The following RPS6KB2 variants were observed in gnomAD, a reference collection of about 807,000 sequenced individuals.
The protein encoded by RPS6KB2 is ribosomal protein S6 kinase beta-2.
In RPS6KB2, 51 loss-of-function variants were observed where a neutral mutation model predicts 58.2. The observed-to-expected ratio is 0.88, with a 90% CI of 0.70 to 1.11. The LOEUF (loss-of-function observed/expected upper bound fraction) is 1.11, where lower values mean the gene tolerates loss of function less well. Among genes scored for constraint, RPS6KB2 ranks in the 50% least tolerant of loss-of-function variants. The probability of loss-of-function intolerance (pLI) is 0.00; values close to 1 mark genes in which losing one functional copy is unlikely to be tolerated. For synonymous variants in RPS6KB2, 293 were observed against 258.6 expected, an observed-to-expected ratio of 1.13 and a Z score of -1.28; for missense variants, 671 against 655.8, an observed-to-expected ratio of 1.02 and a Z score of -0.25.
chr11:67,432,693 G>C, intron 6 of RPS6KB2, 36 bp downstream of exon 6: 1 of 1,613,962 alleles, frequency 6.2e-7, no homozygotes, highest in Non-Finnish European at 8.5e-7. Context: ...GAGGCTGCCA[G>C]GTCCCTGCTC....
intron 1 of RPS6KB2, 25 bp downstream of exon 1, chr11:67,428,648 T>C: frequency 1.3e-6 from 2 of 1,591,040 alleles, no homozygotes; most frequent in Non-Finnish European, 1.7e-6. Flanking sequence ...CTGGCGCGAC[T>C]GGATCCTGGA....
Position 67,433,441 on chromosome 11 carries a change from C to G in RPS6KB2, c.900C>G (p.Val300=). 6.2e-7 allele frequency: 1 copy of G among 1,607,470 alleles called. No homozygotes were observed. The highest frequency in any genetic ancestry group is 8.5e-7 in the Non-Finnish European group (1 of 1,174,096). The stretch of plus-strand genomic sequence containing the variant: ...TCACCCCAGATGCCCGGGACCTTGT[C>G]AAAAAGGTGCAGCTCCCTTCTCTCT... ...PYLTPDARDL[V]KKFLKRNPSQ... Residue 300 remains valine, a synonymous_variant, in exon 10 of 15, where the codon GTC becomes GTG. Transcript: ENST00000312629.
In RPS6KB2 at chr11:67,433,350, C is replaced by T. The variant is rs761963997; in HGVS notation, c.809C>T (p.Thr270Ile). The T allele has an allele frequency of 3.1e-6, 5 of 1,613,776 alleles. No individual in the cohort carries two copies. Among genetic ancestry groups the T allele is most frequent in the South Asian group, 1.1e-5 (1 of 91,084 alleles). Residue 270 changes from threonine (T) to isoleucine (I), a missense_variant, in exon 10 of 15, where the codon ACC (threonine) becomes ATC (isoleucine). Transcript: ENST00000312629. ...YDMLTGSPPF[T>I]AENRKKTMDK... ...TTCCTCCTCCTCCAGCCGCCCTTCA[C>T]CGCAGAGAACCGGAAGAAAACCATG...
At position 67,431,371 on chromosome 11, in the gene RPS6KB2, A is replaced by C; in HGVS notation, c.313A>C (p.Lys105Gln). 1 of 1,613,762 alleles carries C rather than the reference A, an allele frequency of 6.2e-7. No homozygotes were observed. The highest frequency in any genetic ancestry group is 1.7e-5 in the Admixed American group (1 of 60,008). Residue 105 changes from lysine (K) to glutamine (Q), a missense_variant, in exon 5 of 15, where the codon AAA becomes CAA. Lys to Gln is a moderately conservative substitution (Grantham distance 53, BLOSUM62 1). Coordinates refer to ENST00000312629, the MANE Select transcript of RPS6KB2 (RefSeq NM_003952.3). ...IYAMKVLRKA[K>Q]IVRNAKDTAH... Reference sequence around the variant, plus strand: ...TAACCAATTCCTGTATCTCCAGGCCAAAATTGTGCGCAATGCCAAGGACAC... The same window carrying C: ...TAACCAATTCCTGTATCTCCAGGCCCAAATTGTGCGCAATGCCAAGGACAC...
rs776604371 is a variant in RPS6KB2, at chr11:67,434,663, C to T, written c.1237C>T (p.Arg413Cys). The T allele has an allele frequency of 3.1e-5, 50 of 1,610,134 alleles. No homozygotes were observed. The highest frequency in any genetic ancestry group is 4.0e-5 in the African/African-American group (3 of 74,886). ...SFQPKLRSPR[R>C]LNSSPRAPVS... ...CCAGCCCAAGCTGCGCTCACCCAGG[C>T]GCCTCAACAGTAGCCCCCGGGCCCC... Residue 413 changes from arginine to cysteine, a missense_variant, in exon 14 of 15, where the codon CGC becomes TGC. Physicochemically the swap from Arg to Cys is radical, Grantham distance 180. Transcript: ENST00000312629.
At position 67,433,360 on chromosome 11, in the gene RPS6KB2, C is replaced by T; in HGVS notation, c.819C>T (p.Asn273=). 6.2e-7 allele frequency: 1 copy of T among 1,613,870 alleles called. No individual in the cohort carries two copies. The highest frequency in any genetic ancestry group is 1.1e-5 in the South Asian group (1 of 91,072). ...LTGSPPFTAE[N]RKKTMDKIIR... ...TCCAGCCGCCCTTCACCGCAGAGAA[C>T]CGGAAGAAAACCATGGATAAGATCA... Residue 273 remains asparagine, a synonymous_variant, in exon 10 of 15, where the codon AAC becomes AAT. Transcript: ENST00000312629.
intron 5 of RPS6KB2, 64 bp from the exon 6 acceptor site, chr11:67,432,536 A>G (rs1864062013): frequency 6.4e-7 from 1 of 1,556,962 alleles, no homozygotes; most frequent in Non-Finnish European, 8.9e-7. Flanking sequence ...AGAAGAAATA[A>G]AGACTCAGAA....
chr11:67,434,272 T>A lies in RPS6KB2; in HGVS notation c.1044T>A (p.Cys348Ter). ...AWRVDPPFRP[C>*]LQSEEDVSQF... is the part of the protein sequence containing the mutation. Reference sequence around the variant, plus strand: ...GTGTGGACCCCCCTTTCAGGCCCTGTCTGGTGAGCAGCAGGGCTGGTGGCC... The same window carrying A: ...GTGTGGACCCCCCTTTCAGGCCCTGACTGGTGAGCAGCAGGGCTGGTGGCC... Residue 348 changes from cysteine (C) to a stop codon, truncating the protein, a stop_gained, in exon 12 of 15, where the codon TGT becomes TGA. Transcript: ENST00000312629. LOFTEE classifies it high-confidence loss of function. 1 of 1,613,410 alleles carries A rather than the reference T, an allele frequency of 6.2e-7. No homozygotes were observed. The highest frequency in any genetic ancestry group is 8.5e-7 in the Non-Finnish European group (1 of 1,179,926).
rs749952266 is a variant in RPS6KB2, at chr11:67,432,790, T to C, written c.569T>C (p.Ile190Thr). Residue 190 changes from isoleucine (I) to threonine (T), a missense_variant, in exon 7 of 15, where the codon ATC becomes ACC. Transcript: ENST00000312629. The part of the protein sequence containing the change: ...LALGHLHSQG[I>T]IYRDLKPENI... ...CTGGGCCATCTCCACTCCCAGGGCA[T>C]CATCTACCGGGACCTCAAGCCCGAG... 3.7e-6 allele frequency: 6 copies of C among 1,614,084 alleles called. No homozygotes were observed. Among genetic ancestry groups the C allele is most frequent in the Non-Finnish European group, 5.1e-6 (6 of 1,180,000 alleles).
At chr11:67,431,919 G>GT in intron 5 of RPS6KB2, 1 of 270,580 alleles carries the variant, frequency 3.7e-6, no homozygotes, top group South Asian at 3.9e-5. Context: ...GGCCTGGTGG[G>GT]GTGGCCAGAG....
Position 67,432,812 on chromosome 11 carries a change from C to T in RPS6KB2, c.591C>T (p.Pro197=), listed in dbSNP as rs772031702. The part of the protein sequence containing the change: ...SQGIIYRDLK[P]ENIMLSSQGH... ...GCATCATCTACCGGGACCTCAAGCC[C>T]GAGAACATCATGCTCAGCAGCCAGG... Residue 197 remains proline, a synonymous_variant, in exon 7 of 15, where the codon CCC becomes CCT. Transcript: ENST00000312629. The T allele has an allele frequency of 6.2e-5, 100 of 1,613,948 alleles. No homozygotes were observed. Among genetic ancestry groups the T allele is most frequent in the Admixed American group, 3.0e-4 (18 of 59,990 alleles).
chr11:67,432,979 T>G lies in RPS6KB2; in HGVS notation c.644T>G (p.Leu215Arg), dbSNP rs1864088853. Reference protein sequence around the residue: ...QGHIKLTDFGLCKESIHEGAV... With the variant: ...QGHIKLTDFGRCKESIHEGAV... ...CACATCAAACTGACCGACTTTGGACTCTGCAAGGAGTCTATCCATGAGGGC... is the reference window on the plus strand; with the variant it reads ...CACATCAAACTGACCGACTTTGGACGCTGCAAGGAGTCTATCCATGAGGGC... The change falls in exon 8 of 15, where the codon CTC (leucine) becomes CGC (arginine). Residue 215 changes from leucine to arginine, a missense_variant. Coordinates refer to ENST00000312629, the MANE Select transcript of RPS6KB2 (RefSeq NM_003952.3). 3.7e-6 allele frequency: 6 copies of G among 1,613,288 alleles called. No individual in the cohort carries two copies. Among genetic ancestry groups the G allele is most frequent in the Non-Finnish European group, 4.2e-6 (5 of 1,180,040 alleles).
Position 67,434,714 on chromosome 11 carries a change from T to G in RPS6KB2, c.1268+20T>G, listed in dbSNP as rs1305512807. ...CGTCAGGTACTGAGGGACGTGGGGG[T>G]GTGTGGCTGGGTTAGGGACGCTGGC... On this transcript the variant is annotated intron_variant, in intron 14 of 14. Coordinates refer to ENST00000312629, the MANE Select transcript of RPS6KB2 (RefSeq NM_003952.3). 4 of 1,564,992 alleles carry G rather than the reference T, an allele frequency of 2.6e-6. No homozygotes were observed. The highest frequency in any genetic ancestry group is 1.4e-5 in the African/African-American group (1 of 73,352).
At position 67,434,400 on chromosome 11, in the gene RPS6KB2, G is replaced by A. The variant is rs917920884; in HGVS notation, c.1071G>A (p.Gln357=). ...AGCAGTCAGAGGAGGACGTGAGCCA[G>A]TTTGATACCCGCTTCACACGGCAGA... ...PCLQSEEDVS[Q]FDTRFTRQTP... The change falls in exon 13 of 15, where the codon CAG becomes CAA. Residue 357 remains glutamine (Q), a synonymous_variant. Transcript: ENST00000312629. 11 of 1,613,234 alleles carry A rather than the reference G, an allele frequency of 6.8e-6. No individual in the cohort carries two copies. In the Middle Eastern group the frequency reaches 6.6e-4, roughly 96 times the overall value.
At chr11:67,431,607 A>T in intron 5 of RPS6KB2, 92 bp downstream of exon 5, 1 of 1,358,228 alleles carries the variant, frequency 7.4e-7, no homozygotes, top group South Asian at 1.3e-5. Flanking sequence ...TTGAGAGATG[A>T]GTCTGTGGGG....
chr11:67,428,902 G>A (rs758870275), intron 1 of RPS6KB2, 80 bp from the exon 2 acceptor site: 12 of 1,543,236 alleles, frequency 7.8e-6, no homozygotes, highest in Non-Finnish European at 1.1e-5. Flanking sequence ...CTTCTCTCCT[G>A]GGCCACGCAG....
At chr11:67,432,874 T>C (rs1215630140) in intron 7 of RPS6KB2, 37 bp downstream of exon 7, 28 of 1,610,176 alleles carry the variant, frequency 1.7e-5, no homozygotes, top group Non-Finnish European at 2.3e-5. Flanking sequence ...AGGCGGGGTC[T>C]GCAATCTGTG....
In RPS6KB2 at chr11:67,428,498, A is replaced by C; in HGVS notation, c.-48A>C. The C allele has an allele frequency of 6.5e-7, 1 of 1,533,344 alleles. No homozygotes were observed. Among genetic ancestry groups the C allele is most frequent in the Non-Finnish European group, 8.9e-7 (1 of 1,120,290 alleles). 95.0% of individuals were successfully genotyped at this position (1,533,344 alleles called of 1,614,324 possible). ...ATGTTTAGGTCCGGGACTGTCAGTC[A>C]GTGCGCGGCCAGGTACGGGCCGACG... On this transcript the variant is annotated 5_prime_UTR_variant, in exon 1 of 15. Coordinates refer to ENST00000312629, the MANE Select transcript of RPS6KB2 (RefSeq NM_003952.3).
At chr11:67,434,891 TGCCTGGGC>T in intron 14 of RPS6KB2, 90 bp from the exon 15 acceptor site, 2 of 1,253,874 alleles carry the variant, frequency 1.6e-6, no homozygotes, top group East Asian at 4.7e-5. Flanking sequence ...GCGGCCTGTG[TGCCTGGGC>T]AGGTGGGAAA....
Sources: allele counts gnomAD v4.1 joint callset, GRCh38; gene constraint gnomAD v4.1.1; transcripts MANE v1.5; gene names NCBI Gene and HGNC (gene_info 2026-07-23, HGNC 2026-07-21).